TIMP3: variants seen among roughly 807,000 people sequenced by gnomAD.
TIMP3 encodes TIMP metallopeptidase inhibitor 3, also known as metalloproteinase inhibitor 3.
Under a neutral mutation model 30.0 loss-of-function variants are expected in TIMP3, and 11 were observed. That is an observed-to-expected ratio of 0.37 (90% confidence interval 0.23 to 0.61). The LOEUF is 0.61. Among genes scored for constraint, TIMP3 ranks in the 20% least tolerant of loss-of-function variants. TIMP3 has a pLI of 0.70. For missense variants in TIMP3, 181 were observed against 276.8 expected, an observed-to-expected ratio of 0.65 and a Z score of 2.45; for synonymous variants, 112 against 111.3, an observed-to-expected ratio of 1.01 and a Z score of -0.04.
At chr22:32,818,273 C>T (rs1477812336) in intron 1 of TIMP3, among the ~76,000 whole-genome samples, 1 of 152,186 alleles carries the variant, frequency 6.6e-6, no homozygotes, top group Non-Finnish European at 1.5e-5. Flanking sequence ...GGACATGGCT[C>T]TGCTGGGCAA....
chr22:32,823,340 T>C (rs1161569604), intron 1 of TIMP3, among the ~76,000 whole-genome samples: 1 of 152,130 alleles, frequency 6.6e-6, no homozygotes, highest in Non-Finnish European at 1.5e-5. Context: ...CCACAGAGAA[T>C]GCCGCAAGGG....
chr22:32,811,817 C>T (rs2046924712), intron 1 of TIMP3, among the ~76,000 whole-genome samples: 1 of 152,202 alleles, frequency 6.6e-6, no homozygotes. Context: ...GCAAGCCCAA[C>T]ACTTGTCAAG....
intron 2 of TIMP3, among the ~76,000 whole-genome samples, chr22:32,853,864 C>T (rs1168164980): frequency 6.6e-6 from 1 of 152,112 alleles, no homozygotes; most frequent in African/African-American, 2.4e-5. Context: ...AAACTGAGAC[C>T]CAAAGAGGTT....
rs767798859 is a variant in TIMP3, at chr22:32,862,234, G to C, written c.*2857G>C. 7 of 152,194 alleles carry C rather than the reference G, an allele frequency of 4.6e-5. No individual in the cohort carries two copies. Among genetic ancestry groups the C allele is most frequent in the Non-Finnish European group, 8.8e-5 (6 of 68,050 alleles). The allele number at this position is 152,194 out of a possible 1,614,324, so 9.4% of individuals were successfully genotyped here. ...TTCCTAAGAATCCAGGGCCATGGGA[G>C]ATACAATTCCAAGTTCTCGCTTCCT... On this transcript the variant is annotated 3_prime_UTR_variant, in exon 5 of 5. Transcript: ENST00000266085.
chr22:32,815,944 G>A (rs896897929), intron 1 of TIMP3, among the ~76,000 whole-genome samples: 2 of 152,176 alleles, frequency 1.3e-5, no homozygotes, highest in Non-Finnish European at 2.9e-5. Context: ...GGATTTTTCT[G>A]CTCTTGAGTC....
At chr22:32,823,627 C>T (rs1039061284) in intron 1 of TIMP3, among the ~76,000 whole-genome samples, 3 of 152,132 alleles carry the variant, frequency 2.0e-5, no homozygotes, top group African/African-American at 4.8e-5. Flanking sequence ...ACTTAGGGGG[C>T]CGTGAGTGCA....
chr22:32,804,606 C>T (rs750754296), intron 1 of TIMP3, among the ~76,000 whole-genome samples: 21 of 152,262 alleles, frequency 1.4e-4, no homozygotes, highest in South Asian at 4.1e-4. Flanking sequence ...GGGGGCTGCC[C>T]GATGGCCTTT....
At chr22:32,835,023 T>C (rs537440155) in intron 1 of TIMP3, among the ~76,000 whole-genome samples, 1 of 152,370 alleles carries the variant, frequency 6.6e-6, no homozygotes, top group South Asian at 2.1e-4. Flanking sequence ...GTCTGATTGC[T>C]GTACCCTTGT....
At chr22:32,857,996 T>C (rs1372684747) in intron 3 of TIMP3, 21 bp from the exon 4 acceptor site, 1 of 1,613,980 alleles carries the variant, frequency 6.2e-7, no homozygotes, top group Non-Finnish European at 8.5e-7. Context: ...CCTCTCCTTG[T>C]TTTCTTCTTT....
At chr22:32,814,962 T>C (rs2047048599) in intron 1 of TIMP3, among the ~76,000 whole-genome samples, 1 of 152,254 alleles carries the variant, frequency 6.6e-6, no homozygotes, top group Non-Finnish European at 1.5e-5. Flanking sequence ...TTTCAATATG[T>C]AATCAATTTT....
chr22:32,859,598 C>G lies in TIMP3; in HGVS notation c.*221C>G. On this transcript the variant is annotated 3_prime_UTR_variant, in exon 5 of 5. Coordinates refer to ENST00000266085, the MANE Select transcript of TIMP3 (RefSeq NM_000362.5). ...TTTTTGGTTTTGACATCATTCATTT[C>G]CACCTGGGAATTTCTGGTGCCATGC... is the stretch of plus-strand genomic sequence containing the variant. 1 of 579,036 alleles carries G rather than the reference C, an allele frequency of 1.7e-6. No individual in the cohort carries two copies. Among genetic ancestry groups the G allele is most frequent in the Non-Finnish European group, 3.0e-6 (1 of 336,480 alleles). 35.9% of individuals were successfully genotyped at this position (579,036 alleles called of 1,614,324 possible).
At chr22:32,834,751 T>C (rs1425821722) in intron 1 of TIMP3, among the ~76,000 whole-genome samples, 1 of 152,166 alleles carries the variant, frequency 6.6e-6, no homozygotes, top group Non-Finnish European at 1.5e-5. Context: ...GGGTGGCCCA[T>C]AAACCCAGAA....
chr22:32,803,747 C>T (rs903396552), intron 1 of TIMP3, among the ~76,000 whole-genome samples: 10 of 152,310 alleles, frequency 6.6e-5, no homozygotes, highest in East Asian at 1.9e-4. Context: ...GGATCACACA[C>T]GTGCGGCCAG....
intron 1 of TIMP3, among the ~76,000 whole-genome samples, chr22:32,839,003 T>G: frequency 6.7e-6 from 1 of 149,968 alleles, no homozygotes. Flanking sequence ...TGGCCTGGGG[T>G]GGACAGAAGG....
chr22:32,827,289 T>C (rs2047440600), intron 1 of TIMP3, among the ~76,000 whole-genome samples: 1 of 152,212 alleles, frequency 6.6e-6, no homozygotes, highest in African/African-American at 2.4e-5. Context: ...GCGTGGCCTA[T>C]AGCAAAGCTC....
chr22:32,848,028 C>T (rs2048118431), intron 1 of TIMP3, among the ~76,000 whole-genome samples: 1 of 152,240 alleles, frequency 6.6e-6, no homozygotes, highest in South Asian at 2.1e-4. Flanking sequence ...TTACTCTCTG[C>T]AATTTCCAGT....
At chr22:32,838,703 A>C (rs1401187872) in intron 1 of TIMP3, among the ~76,000 whole-genome samples, 1 of 151,906 alleles carries the variant, frequency 6.6e-6, no homozygotes, top group Non-Finnish European at 1.5e-5. Flanking sequence ...GAGTAACTCT[A>C]TGGAACAAGG....
At chr22:32,813,360 C>A (rs2046964008) in intron 1 of TIMP3, among the ~76,000 whole-genome samples, 1 of 152,048 alleles carries the variant, frequency 6.6e-6, no homozygotes, top group Admixed American at 6.5e-5. Context: ...AGTCCAGGTC[C>A]CTTCTGGAGG....
At chr22:32,824,843 C>T (rs1404435014) in intron 1 of TIMP3, among the ~76,000 whole-genome samples, 1 of 152,166 alleles carries the variant, frequency 6.6e-6, no homozygotes, top group Non-Finnish European at 1.5e-5. Context: ...GAGATGCTCC[C>T]TACTCTTGCA....
Sources: gnomAD v4.1 joint callset for allele counts (sites outside exome capture counted in the v4.1 genomes callset) on GRCh38, gnomAD v4.1.1 for gene constraint, MANE v1.5 for transcripts, NCBI Gene and HGNC (gene_info 2026-07-23, HGNC 2026-07-21) for gene names.